The following TRDN variants were observed in gnomAD, a reference collection of about 807,000 sequenced individuals.
TRDN encodes triadin in skeletal muscle.
Under a neutral mutation model 149.7 loss-of-function variants are expected in TRDN, and 161 were observed. The observed-to-expected ratio is 1.08, with a 90% CI of 0.95 to 1.23. The LOEUF (loss-of-function observed/expected upper bound fraction) is 1.23. Among genes scored for constraint, TRDN ranks in the 50% most tolerant of loss-of-function variants. The pLI, the probability that TRDN is intolerant of heterozygous loss-of-function variation, is 0.00. For synonymous variants in TRDN, 294 were observed against 250.5 expected, an observed-to-expected ratio of 1.17 and a Z score of -1.64; for missense variants, 896 against 823.5, an observed-to-expected ratio of 1.09 and a Z score of -1.08.
At chr6:123,447,404 G>C (rs1350272031) in intron 10 of TRDN, among the ~76,000 whole-genome samples, 7 of 152,182 alleles carry the variant, frequency 4.6e-5, no homozygotes, top group Non-Finnish European at 1.0e-4. Flanking sequence ...TTGAGAAACA[G>C]TAGACGTGAA....
chr6:123,455,065 C>A (rs1035631236), intron 10 of TRDN, among the ~76,000 whole-genome samples: 12 of 152,290 alleles, frequency 7.9e-5, no homozygotes, highest in Admixed American at 5.9e-4. Flanking sequence ...AAAGAAGTGC[C>A]ACCTTTTACT....
chr6:123,381,486 C>T, intron 15 of TRDN, 96 bp from the exon 16 acceptor site: 1 of 1,186,476 alleles, frequency 8.4e-7, no homozygotes, highest in Non-Finnish European at 1.2e-6. Context: ...TCCCACCCCT[C>T]CTTCCAATTT....
At chr6:123,486,868 G>T (rs1045556711) in intron 9 of TRDN, among the ~76,000 whole-genome samples, 4 of 152,004 alleles carry the variant, frequency 2.6e-5, no homozygotes, top group South Asian at 2.1e-4. Context: ...CCTAAATTCT[G>T]CAGGGACTAC....
intron 1 of TRDN, among the ~76,000 whole-genome samples, chr6:123,577,106 C>A (rs2114563124): frequency 6.6e-6 from 1 of 152,130 alleles, no homozygotes; most frequent in Non-Finnish European, 1.5e-5. Context: ...GCTCAGGCTG[C>A]TTTGACAAAA....
intron 12 of TRDN, among the ~76,000 whole-genome samples, chr6:123,433,184 C>G (rs1015039659): frequency 9.1e-6 from 1 of 110,128 alleles, no homozygotes; most frequent in South Asian, 3.1e-4. Flanking sequence ...TATATATATA[C>G]ATCACACAAT....
At chr6:123,349,315 G>T (rs372584712) in intron 21 of TRDN, among the ~76,000 whole-genome samples, 1 of 152,006 alleles carries the variant, frequency 6.6e-6, no homozygotes, top group Non-Finnish European at 1.5e-5. Flanking sequence ...GAGTATCCTC[G>T]TTTTCATGCA....
At chr6:123,247,025 G>A (rs768414010) in intron 38 of TRDN, among the ~76,000 whole-genome samples, 6 of 151,946 alleles carry the variant, frequency 3.9e-5, no homozygotes, top group African/African-American at 7.3e-5. Context: ...CAATAGATGC[G>A]GAAAAGTCCT....
At chr6:123,537,776 G>A (rs996229860) in intron 4 of TRDN, among the ~76,000 whole-genome samples, 10 of 152,190 alleles carry the variant, frequency 6.6e-5, no homozygotes, top group African/African-American at 2.4e-4. Context: ...AGTGAAAATA[G>A]ATTGTATCAG....
chr6:123,310,065 G>A (rs909008022), intron 24 of TRDN, among the ~76,000 whole-genome samples: 13 of 151,982 alleles, frequency 8.6e-5, no homozygotes, highest in African/African-American at 3.1e-4. Context: ...AAGTTTTGTG[G>A]GTAGCTGCTT....
intron 1 of TRDN, among the ~76,000 whole-genome samples, chr6:123,586,969 C>T (rs572015380): frequency 7.9e-4 from 119 of 151,316 alleles, no homozygotes; most frequent in African/African-American, 2.4e-3. Flanking sequence ...GGTTGGGGCA[C>T]GGAAATAAGG....
chr6:123,231,926 G>T (rs13219044), intron 38 of TRDN, among the ~76,000 whole-genome samples: 2 of 151,894 alleles, frequency 1.3e-5, no homozygotes, highest in Non-Finnish European at 2.9e-5. Context: ...ATATGGAGAG[G>T]GTAGAAGGAT....
intron 38 of TRDN, among the ~76,000 whole-genome samples, chr6:123,250,453 G>A (rs1776334623): frequency 6.6e-6 from 1 of 152,008 alleles, no homozygotes; most frequent in South Asian, 2.1e-4. Context: ...GAAAAAGAAT[G>A]ATACTTGTTT....
At chr6:123,267,032 G>A (rs1290691617) in intron 32 of TRDN, among the ~76,000 whole-genome samples, 4 of 141,012 alleles carry the variant, frequency 2.8e-5, no homozygotes, top group African/African-American at 5.4e-5. Flanking sequence ...GTGTGAACCC[G>A]GGAGGTGGAG....
intron 1 of TRDN, among the ~76,000 whole-genome samples, chr6:123,610,492 T>A (rs894830606): frequency 1.3e-5 from 2 of 152,192 alleles, no homozygotes; most frequent in Admixed American, 6.6e-5. Flanking sequence ...TGCCAGGTGC[T>A]TGGGTACAAA....
chr6:123,231,041 C>G (rs752109070), intron 38 of TRDN, among the ~76,000 whole-genome samples: 4 of 151,950 alleles, frequency 2.6e-5, no homozygotes, highest in Non-Finnish European at 5.9e-5. Flanking sequence ...TTGAAAAGAA[C>G]TTCCCTGCAG....
At chr6:123,594,600 C>T (rs1286154803) in intron 1 of TRDN, among the ~76,000 whole-genome samples, 1 of 149,404 alleles carries the variant, frequency 6.7e-6, no homozygotes, top group African/African-American at 2.5e-5. Flanking sequence ...ATGTCCAAAG[C>T]ATGAATGTTA....
intron 20 of TRDN, among the ~76,000 whole-genome samples, chr6:123,357,797 A>G (rs1400181151): frequency 2.6e-5 from 4 of 152,324 alleles, no homozygotes; most frequent in African/African-American, 9.6e-5. Context: ...TGTGACTTAC[A>G]TATAAAGACC....
chr6:123,407,117 A>C (rs538730819), intron 12 of TRDN, among the ~76,000 whole-genome samples: 1 of 152,210 alleles, frequency 6.6e-6, no homozygotes, highest in Non-Finnish European at 1.5e-5. Context: ...AAAAGACACC[A>C]TTGTTTTATT....
chr6:123,496,892 T>G (rs1415131971), intron 9 of TRDN, among the ~76,000 whole-genome samples: 6 of 152,188 alleles, frequency 3.9e-5, no homozygotes, highest in Admixed American at 2.0e-4. Context: ...AAGAATAAAA[T>G]AAGATGATTC....
Sources: allele counts gnomAD v4.1 joint callset (sites outside exome capture counted in the v4.1 genomes callset), GRCh38; gene constraint gnomAD v4.1.1; transcripts MANE v1.5; gene names NCBI Gene and HGNC (gene_info 2026-07-23, HGNC 2026-07-21).